CCDC38: variants seen among roughly 807,000 people sequenced by gnomAD.
CCDC38 encodes the protein coiled-coil domain containing 38.
CCDC38 carries 69 observed loss-of-function variants against 72.8 expected under a neutral mutation model. The observed-to-expected ratio is 0.95, with a 90% CI of 0.78 to 1.16. The LOEUF is 1.16. CCDC38 is among the 50% of genes most tolerant of loss of function. The pLI, the probability that CCDC38 is intolerant of heterozygous loss-of-function variation, is 0.00. For missense variants in CCDC38, 626 were observed against 638.9 expected (o/e 0.98, Z 0.22); for synonymous variants, 201 against 213.2 (o/e 0.94, Z 0.50).
chr12:95,888,893 G>A (rs1029214807), intron 9 of CCDC38, among the ~76,000 whole-genome samples: 11 of 151,860 alleles, frequency 7.2e-5, no homozygotes, highest in Admixed American at 7.2e-4. Context: ...CTTTGTGTAC[G>A]TGGGGTCTTG....
intron 5 of CCDC38, chr12:95,903,613 T>A: frequency 1.8e-6 from 1 of 563,494 alleles, no homozygotes; most frequent in Non-Finnish European, 3.2e-6. Context: ...ATTTTGGATA[T>A]TGTTGAGTGG....
intron 15 of CCDC38, 24 bp from the exon 16 acceptor site, chr12:95,867,213 AC>A: frequency 7.7e-7 from 1 of 1,302,366 alleles, no homozygotes; most frequent in Non-Finnish European, 1.1e-6. Flanking sequence ...AAAACAAAAT[AC>A]TTAATATTTT....
intron 4 of CCDC38, among the ~76,000 whole-genome samples, chr12:95,912,469 G>A (rs1182593134): frequency 1.3e-5 from 2 of 152,138 alleles, no homozygotes; most frequent in South Asian, 2.1e-4. Context: ...AAGGATGGGG[G>A]TGGGGGGATA....
At chr12:95,877,607 A>G (rs2079649575) in intron 13 of CCDC38, among the ~76,000 whole-genome samples, 1 of 152,196 alleles carries the variant, frequency 6.6e-6, no homozygotes, top group African/African-American at 2.4e-5. Context: ...TTCATTCAAC[A>G]AACATTTATT....
Position 95,872,381 on chromosome 12 carries a change from A to G in CCDC38, c.1358T>C (p.Leu453Pro), listed in dbSNP as rs1294115945. 2 of 1,614,158 alleles carry G rather than the reference A, an allele frequency of 1.2e-6. No individual in the cohort carries two copies. Among genetic ancestry groups the G allele is most frequent in the Non-Finnish European group, 8.5e-7 (1 of 1,180,006 alleles). Residue 453 changes from leucine to proline, a missense_variant, in exon 14 of 16, where the codon CTC (leucine) becomes CCC (proline). Transcript: ENST00000344280. The stretch of plus-strand genomic sequence containing the variant: ...TTTTACCAGCTTTTGAATTGGGTTG[A>G]GGCCGTCATCCTCAGCATCTCCAAT... ...VCIGDAEDDG[L>P]NPIQKLVKVE...
chr12:95,916,391 T>G (rs908686829), intron 4 of CCDC38, among the ~76,000 whole-genome samples: 1 of 144,790 alleles, frequency 6.9e-6, no homozygotes, highest in Non-Finnish European at 1.5e-5. Flanking sequence ...CTTCCTTCCT[T>G]CCTTCCTTCC....
chr12:95,941,537 TAAGAC>T (rs1280209977), intron 1 of CCDC38, among the ~76,000 whole-genome samples: 2 of 152,210 alleles, frequency 1.3e-5, no homozygotes, highest in Non-Finnish European at 2.9e-5. Context: ...GAACTCAGAC[TAAGAC>T]AAGTTTATTG....
chr12:95,941,338 T>A (rs899218205), intron 1 of CCDC38, among the ~76,000 whole-genome samples: 27 of 152,218 alleles, frequency 1.8e-4, no homozygotes, highest in Non-Finnish European at 1.5e-5. Context: ...AACACACGAA[T>A]AATAGTAATA....
At chr12:95,934,477 A>T (rs2080369862) in intron 2 of CCDC38, 1 of 152,142 alleles carries the variant, frequency 6.6e-6, no homozygotes, top group South Asian at 2.1e-4. Flanking sequence ...AGAGTTTTGT[A>T]TCTCTTGTCA....
chr12:95,922,650 G>A (rs1171604951), intron 2 of CCDC38, among the ~76,000 whole-genome samples: 1 of 152,204 alleles, frequency 6.6e-6, no homozygotes, highest in African/African-American at 2.4e-5. Flanking sequence ...AGGATTTATG[G>A]TTAGGCTTTT....
chr12:95,881,712 A>G (rs2079702450), intron 10 of CCDC38, among the ~76,000 whole-genome samples, 158 bp from the exon 11 acceptor site: 1 of 152,246 alleles, frequency 6.6e-6, no homozygotes, highest in Non-Finnish European at 1.5e-5. Flanking sequence ...TGCAGAAATC[A>G]ATGGATTCCA....
intron 5 of CCDC38, among the ~76,000 whole-genome samples, chr12:95,904,068 C>G (rs1331745227): frequency 7.6e-6 from 1 of 131,512 alleles, no homozygotes; most frequent in Non-Finnish European, 1.6e-5. Flanking sequence ...AGACATAAAG[C>G]TACCATTTAT....
Position 95,879,796 on chromosome 12 carries a change from C to G in CCDC38, c.991-1G>C. 4 of 1,588,050 alleles carry G rather than the reference C, an allele frequency of 2.5e-6. No homozygotes were observed. The highest frequency in any genetic ancestry group is 3.4e-6 in the Non-Finnish European group (4 of 1,168,768). On this transcript the variant is annotated splice_acceptor_variant, in intron 11 of 15. Coordinates refer to ENST00000344280, the MANE Select transcript of CCDC38 (RefSeq NM_182496.3). LOFTEE classifies it high-confidence loss of function. The surrounding 1 kb of genome is among the most constrained non-coding windows in gnomAD (Gnocchi z 5.5). ...GTTCCTTGAAATAAAGTGCTGGCTC[C>G]TAATTAATCAATAATGAAGAATATA...
At chr12:95,910,127 G>A (rs757668578) in intron 4 of CCDC38, among the ~76,000 whole-genome samples, 6 of 152,160 alleles carry the variant, frequency 3.9e-5, no homozygotes, top group Admixed American at 6.5e-5. Context: ...CTTCACTGAT[G>A]ATATGGTTCG....
At chr12:95,910,761 G>GACTAAGCC (rs1278357869) in intron 4 of CCDC38, among the ~76,000 whole-genome samples, 16 of 152,132 alleles carry the variant, frequency 1.1e-4, no homozygotes, top group African/African-American at 3.6e-4. Context: ...CCTCTCACAG[G>GACTAAGCC]ACTAAGCCAG....
Position 95,869,477 on chromosome 12 carries a change from A to T in CCDC38, c.1578+3T>A. On this transcript the variant is annotated splice_donor_region_variant and intron_variant, in intron 15 of 15. Transcript: ENST00000344280. ...GGCTGGATCTATTAATAGCAAAACA[A>T]ACCTTTTTCTTTGGTTGTGCTACTG... 6.2e-7 allele frequency: 1 copy of T among 1,611,030 alleles called. No individual in the cohort carries two copies. Among genetic ancestry groups the T allele is most frequent in the African/African-American group, 1.3e-5 (1 of 74,820 alleles).
chr12:95,895,881 C>A (rs1366935658), intron 7 of CCDC38, among the ~76,000 whole-genome samples: 1 of 150,226 alleles, frequency 6.7e-6, no homozygotes, highest in Non-Finnish European at 1.5e-5. Context: ...CATGGTGAAA[C>A]CCTGTCTCTA....
Position 95,869,633 on chromosome 12 carries a change from C to T in CCDC38, c.1485-60G>A. ...TAAATCACATTGAGTAAGAAAAGTA[C>T]ATTACTATTTGTTAATGAGCCATGT... On this transcript the variant is annotated intron_variant, in intron 14 of 15. Transcript: ENST00000344280. The T allele has an allele frequency of 1.6e-6, 2 of 1,279,984 alleles. 1 individual carries two copies. Among genetic ancestry groups the T allele is most frequent in the South Asian group, 2.5e-5 (2 of 81,482 alleles). The allele number at this position is 1,279,984 out of a possible 1,614,324, so 79.3% of individuals were successfully genotyped here. A position where few individuals can be genotyped will look rare whatever the true frequency, so the allele number is the denominator to read the frequency against.
chr12:95,888,407 G>A, intron 10 of CCDC38, 51 bp downstream of exon 10: 1 of 1,501,334 alleles, frequency 6.7e-7, no homozygotes, highest in Non-Finnish European at 9.3e-7. Context: ...AAAGTTATTT[G>A]CTGAAAACCA....
Sources: gnomAD v4.1 joint callset for allele counts (sites outside exome capture counted in the v4.1 genomes callset) on GRCh38, gnomAD v4.1.1 for gene constraint, Gnocchi (gnomAD v3.1) non-coding constraint, MANE v1.5 for transcripts, NCBI Gene and HGNC (gene_info 2026-07-23, HGNC 2026-07-21) for gene names.